The following ADGRG4 variants were observed in gnomAD, a reference collection of about 807,000 sequenced individuals.
ADGRG4 encodes the protein adhesion G protein-coupled receptor G4, also known as G protein-coupled receptor 112.
A neutral mutation model predicts 126.2 loss-of-function variants in ADGRG4; 122 were observed. The ratio of observed to expected loss-of-function variants is 0.97; its 90% confidence interval spans 0.83 to 1.12. The LOEUF is 1.12. ADGRG4 is among the 50% of genes most tolerant of loss of function. ADGRG4 has a pLI of 0.00. For missense variants in ADGRG4, 2,481 were observed against 2,251.8 expected, an observed-to-expected ratio of 1.10 and a Z score of -2.06; for synonymous variants, 943 against 838.7, an observed-to-expected ratio of 1.12 and a Z score of -2.15.
In ADGRG4 at chrX:136,348,988, C is replaced by G. The variant is rs200109118; in HGVS notation, c.5282C>G (p.Thr1761Ser). 3 of 1,206,744 alleles carry G rather than the reference C, an allele frequency of 2.5e-6. No homozygotes were observed. The highest frequency in any genetic ancestry group is 2.2e-5 in the Admixed American group (1 of 45,557). ...CCTACTCATGCAGATAGTCTCCATA[C>G]TTCCTTCAATATTCAGGTTTCCCCA... ...LSPTHADSLH[T>S]SFNIQVSPSL... is the part of the protein sequence containing the mutation. The change falls in exon 6 of 26, where the codon ACT (threonine) becomes AGT (serine). Residue 1761 changes from threonine (T) to serine (S), a missense_variant. Transcript: ENST00000394143.
At chrX:136,409,450 A>G (rs2075434254) in intron 23 of ADGRG4, among the ~76,000 whole-genome samples, 1 of 111,672 alleles carries the variant, frequency 9.0e-6, no homozygotes, top group African/African-American at 3.3e-5. Flanking sequence ...AAATCAGAGT[A>G]GTAATAGGTG....
chrX:136,399,378 A>T (rs920243877), intron 20 of ADGRG4, among the ~76,000 whole-genome samples: 5 of 111,960 alleles, frequency 4.5e-5, no homozygotes, highest in African/African-American at 1.6e-4. Flanking sequence ...ATTTTGAAAA[A>T]TACTGGGTGA....
At chrX:136,342,921 T>TGTGTGA (rs1251871214) in intron 5 of ADGRG4, among the ~76,000 whole-genome samples, 48 of 84,309 alleles carry the variant, frequency 5.7e-4, no homozygotes, top group African/African-American at 2.1e-3. Flanking sequence ...TGTGTGTGTG[T>TGTGTGA]GAGAGAGAGA....
intron 22 of ADGRG4, among the ~76,000 whole-genome samples, chrX:136,404,610 T>C (rs2075395471): frequency 9.0e-6 from 1 of 111,679 alleles, no homozygotes; most frequent in Admixed American, 9.5e-5. Flanking sequence ...TGTATGGATA[T>C]TCTCTTGCAC....
intron 4 of ADGRG4, among the ~76,000 whole-genome samples, chrX:136,319,158 A>G (rs952359919): frequency 4.4e-5 from 5 of 112,492 alleles, no homozygotes; most frequent in African/African-American, 1.6e-4. Flanking sequence ...CTGGCCAAAC[A>G]TAAGGGCAAA....
Position 136,373,070 on chromosome X carries a change from T to C in ADGRG4, c.7776+6T>C. ...AAGAAGGCACAGACCCTGAGGTGAG[T>C]GCAGCTCAGGGAACTGAGAGCCAAT... On this transcript the variant is annotated splice_donor_region_variant and intron_variant, in intron 15 of 25. Transcript: ENST00000394143. 8.4e-7 allele frequency: 1 copy of C among 1,186,287 alleles called. No individual in the cohort carries two copies. Among genetic ancestry groups the C allele is most frequent in the Non-Finnish European group, 1.1e-6 (1 of 880,331 alleles).
intron 20 of ADGRG4, 88 bp from the exon 21 acceptor site, chrX:136,399,760 T>C: frequency 1.3e-6 from 1 of 789,717 alleles, no homozygotes; most frequent in East Asian, 3.3e-5. Flanking sequence ...TTTTATTCTT[T>C]CACTTATTAT....
intron 5 of ADGRG4, among the ~76,000 whole-genome samples, chrX:136,325,835 C>T (rs746961457): frequency 3.6e-5 from 4 of 109,764 alleles, no homozygotes; most frequent in African/African-American, 1.0e-4. Flanking sequence ...CTCAGCCTCC[C>T]GAGTAGCTGG....
At chrX:136,360,729 A>G (rs1310862262) in intron 11 of ADGRG4, among the ~76,000 whole-genome samples, 1 of 110,021 alleles carries the variant, frequency 9.1e-6, no homozygotes, top group Non-Finnish European at 1.9e-5. Context: ...GTGACAGAGT[A>G]AGACCTCATA....
At chrX:136,366,036 G>A (rs781185810) in intron 13 of ADGRG4, among the ~76,000 whole-genome samples, 4 of 111,857 alleles carry the variant, frequency 3.6e-5, no homozygotes, top group Non-Finnish European at 5.6e-5. Context: ...CTGACACATC[G>A]TTATCACCAA....
intron 5 of ADGRG4, among the ~76,000 whole-genome samples, chrX:136,338,181 A>G (rs2074958723): frequency 1.9e-5 from 2 of 105,666 alleles, no homozygotes; most frequent in Non-Finnish European, 3.9e-5. Context: ...TTTTCAATAC[A>G]GAGTCTCGTT....
Position 136,322,796 on chromosome X carries a change from G to GA in ADGRG4, c.95dup (p.Leu33AlafsTer8). On this transcript the variant is annotated frameshift_variant, in exon 5 of 26. Transcript: ENST00000394143. LOFTEE classifies it high-confidence loss of function. ...TGGACAGATACACTTTCACTAAAAG[G>GA]AAAAAAGCTGGATTTTTTTGGAAGA... is the stretch of plus-strand genomic sequence containing the variant. 3 of 1,186,693 alleles carry GA rather than the reference G, an allele frequency of 2.5e-6. No homozygotes were observed. Among genetic ancestry groups the GA allele is most frequent in the Non-Finnish European group, 3.4e-6 (3 of 882,647 alleles).
chrX:136,331,539 A>G (rs2074909787), intron 5 of ADGRG4, among the ~76,000 whole-genome samples: 1 of 112,386 alleles, frequency 8.9e-6, no homozygotes, highest in Admixed American at 9.4e-5. Context: ...TTCCACCAGC[A>G]ATGTATAAGG....
chrX:136,376,845 T>C (rs192756493), intron 15 of ADGRG4, among the ~76,000 whole-genome samples: 6 of 111,443 alleles, frequency 5.4e-5, no homozygotes, highest in Admixed American at 9.6e-5. Context: ...TAGGAGCTTT[T>C]TGAATGAGTC....
At chrX:136,351,902 G>T (rs189426352) in intron 7 of ADGRG4, among the ~76,000 whole-genome samples, 17 of 110,465 alleles carry the variant, frequency 1.5e-4, no homozygotes, top group Middle Eastern at 4.7e-3. Flanking sequence ...TAAATACAAT[G>T]GTATTTAAGT....
intron 16 of ADGRG4, among the ~76,000 whole-genome samples, chrX:136,389,540 G>C (rs1182195714): frequency 2.7e-5 from 3 of 111,986 alleles, no homozygotes; most frequent in Admixed American, 1.9e-4. Flanking sequence ...ATTAGAACTA[G>C]CCTGCTTCAA....
At position 136,407,360 on chromosome X, in the gene ADGRG4, A is replaced by G. The variant is rs183011662; in HGVS notation, c.8935+1388A>G. ...TATGAAAAAAAAAAAACCTTTAAAA[A>G]GTTGTTTTAATGTAGTGTCTTAAAA... On this transcript the variant is annotated intron_variant, in intron 23 of 25. Coordinates refer to ENST00000394143, the MANE Select transcript of ADGRG4 (RefSeq NM_153834.4). Among the ~76,000 whole-genome samples the G allele has an allele frequency of 1.2e-4, 13 of 111,483 alleles. No individual in the cohort carries two copies. In the East Asian group the frequency reaches 3.4e-3, roughly 29 times the overall value.
intron 13 of ADGRG4, among the ~76,000 whole-genome samples, chrX:136,364,942 C>T (rs1190811501): frequency 8.9e-6 from 1 of 111,836 alleles, no homozygotes; most frequent in African/African-American, 3.2e-5. Context: ...GTCAATCATA[C>T]TTTTGATGGT....
Position 136,405,899 on chromosome X carries a change from G to A in ADGRG4, c.8862G>A (p.Gly2954=), listed in dbSNP as rs371110379. 1.7e-6 allele frequency: 2 copies of A among 1,180,722 alleles called. No homozygotes were observed. The highest frequency in any genetic ancestry group is 2.3e-6 in the Non-Finnish European group (2 of 879,174). The change falls in exon 23 of 26, where the codon GGG becomes GGA. Residue 2954 remains glycine, a synonymous_variant. Transcript: ENST00000394143. ...CATTCTTACTTGGCCTCACCTGGGG[G>A]TTTGCATTTTTTGCTTGGGGACCCA... The part of the protein sequence containing the change: ...SLTFLLGLTW[G]FAFFAWGPMR...
Sources: allele counts gnomAD v4.1 joint callset (sites outside exome capture counted in the v4.1 genomes callset), GRCh38; gene constraint gnomAD v4.1.1; transcripts MANE v1.5; gene names NCBI Gene and HGNC (gene_info 2026-07-23, HGNC 2026-07-21).